Variants in TMCO4 observed in about 807,000 individuals in gnomAD.
TMCO4 encodes transmembrane and coiled-coil domain-containing protein 4.
A neutral mutation model predicts 64.7 loss-of-function variants in TMCO4; 58 were observed. The observed-to-expected ratio is 0.90, with a 90% CI of 0.73 to 1.12. TMCO4 has a LOEUF of 1.12. TMCO4 is among the 50% of genes most tolerant of loss of function. The probability of loss-of-function intolerance (pLI) is 0.00; values close to 1 mark genes in which losing one functional copy is unlikely to be tolerated. For synonymous variants in TMCO4, 325 were observed against 346.1 expected, an observed-to-expected ratio of 0.94 and a Z score of 0.68; for missense variants, 780 against 825.9, an observed-to-expected ratio of 0.94 and a Z score of 0.68.
intron 2 of TMCO4, among the ~76,000 whole-genome samples, chr1:19,791,382 T>A (rs10917540): frequency 6.6e-6 from 1 of 152,178 alleles, no homozygotes. Flanking sequence ...GGACAGACAG[T>A]GCAATTCTCA....
intron 15 of TMCO4, among the ~76,000 whole-genome samples, chr1:19,685,738 G>C (rs547481330): frequency 2.1e-5 from 1 of 48,780 alleles, no homozygotes; most frequent in East Asian, 3.5e-4. Flanking sequence ...TTTTGAGACA[G>C]AGTCTCGCTC....
chr1:19,761,046 C>T (rs1385841697), intron 6 of TMCO4, among the ~76,000 whole-genome samples: 3 of 152,228 alleles, frequency 2.0e-5, no homozygotes, highest in South Asian at 2.1e-4. Flanking sequence ...ACTCTCTGCA[C>T]GTATTGGCTT....
At chr1:19,724,760 GTTTTTCT>G (rs1219082763) in intron 13 of TMCO4, among the ~76,000 whole-genome samples, 1 of 151,896 alleles carries the variant, frequency 6.6e-6, no homozygotes, top group Admixed American at 6.6e-5. Context: ...TCCTTCTTTT[GTTTTTCT>G]TTTTTCTTTT....
intron 2 of TMCO4, among the ~76,000 whole-genome samples, chr1:19,792,711 G>A (rs74058653): frequency 0.015 from 2,190 of 150,354 alleles, 62 homozygotes; most frequent in African/African-American, 0.051. Flanking sequence ...TTACATGCCA[G>A]CCAGCTATGG....
At chr1:19,735,186 G>A (rs1293721411) in intron 13 of TMCO4, among the ~76,000 whole-genome samples, 2 of 152,212 alleles carry the variant, frequency 1.3e-5, no homozygotes, top group African/African-American at 4.8e-5. Context: ...CCTGTGCACA[G>A]TAGGTCCTCA....
rs564820420 is a variant in TMCO4, at chr1:19,745,490, C to T, written c.877+42G>A. 72 of 1,613,202 alleles carry T rather than the reference C, an allele frequency of 4.5e-5. No individual in the cohort carries two copies. The South Asian group carries it at 7.1e-4, about 16-fold the overall frequency. On this transcript the variant is annotated intron_variant, in intron 10 of 15. Transcript: ENST00000294543. ...TAGCCCAGGGTCTGGCCCAGGCCACCACTGCCCACCCCCCTCCACTTCTGG... is the reference window on the plus strand; with the variant it reads ...TAGCCCAGGGTCTGGCCCAGGCCACTACTGCCCACCCCCCTCCACTTCTGG...
At chr1:19,724,803 C>T (rs1449654250) in intron 13 of TMCO4, among the ~76,000 whole-genome samples, 4 of 151,984 alleles carry the variant, frequency 2.6e-5, no homozygotes, top group African/African-American at 9.7e-5. Context: ...GCTCTGTCAC[C>T]CAGGCTGGAG....
intron 14 of TMCO4, among the ~76,000 whole-genome samples, chr1:19,696,076 TGA>T (rs1295110357): frequency 6.6e-6 from 1 of 152,168 alleles, no homozygotes; most frequent in East Asian, 1.9e-4. Flanking sequence ...TCACCTACCT[TGA>T]GCCACTGGAG....
intron 10 of TMCO4, among the ~76,000 whole-genome samples, chr1:19,741,489 T>C (rs902620328): frequency 6.6e-6 from 1 of 151,142 alleles, no homozygotes; most frequent in African/African-American, 2.4e-5. Context: ...TCTTGCGGGG[T>C]CATTCAATTT....
rs554516477 is a variant in TMCO4 at position 19,757,077 on chromosome 1, A to C, written c.383-1311T>G. Reference sequence around the variant, plus strand: ...ACACTGAGGTGGGCAGATCACTTGAAGCCAGGAGTTCGAGACCAGCCTGGC... The same window carrying C: ...ACACTGAGGTGGGCAGATCACTTGACGCCAGGAGTTCGAGACCAGCCTGGC... On this transcript the variant is annotated intron_variant, in intron 6 of 15. Coordinates refer to ENST00000294543, the MANE Select transcript of TMCO4 (RefSeq NM_181719.7). Among the ~76,000 whole-genome samples the C allele has an allele frequency of 2.0e-5, 3 of 150,468 alleles. No homozygotes were observed. The East Asian group carries it at 6.1e-4, about 31-fold the overall frequency.
rs780573948 is a variant in TMCO4, at chr1:19,780,670, G to A, written c.89C>T (p.Thr30Met). Residue 30 changes from threonine to methionine, a missense_variant, in exon 4 of 16, where the codon ACG (threonine) becomes ATG (methionine). Physicochemically the swap from Thr to Met is moderately conservative, Grantham distance 81. Transcript: ENST00000294543. ...GTTGGCCTCAGTCAGCTCCCGGCCC[G>A]TGGGCAGGTGTGGCTCCCCCTCTGC... ...PTAEGEPHLP[T>M]GRELTEANRF... 17 of 1,614,002 alleles carry A rather than the reference G, an allele frequency of 1.1e-5. No homozygotes were observed. Among genetic ancestry groups the A allele is most frequent in the South Asian group, 9.9e-5 (9 of 91,046 alleles).
chr1:19,792,234 G>C (rs767115529), intron 2 of TMCO4, among the ~76,000 whole-genome samples: 3 of 152,160 alleles, frequency 2.0e-5, no homozygotes, highest in Admixed American at 2.0e-4. Flanking sequence ...AAGAGGATGC[G>C]ATCTCCAGGG....
intron 10 of TMCO4, among the ~76,000 whole-genome samples, chr1:19,745,217 T>C (rs992394583): frequency 1.4e-5 from 2 of 139,838 alleles, no homozygotes; most frequent in Admixed American, 7.8e-5. Context: ...GATGGATAGA[T>C]AGAAGGGTGG....
chr1:19,747,123 C>T (rs2041827493), intron 8 of TMCO4, 40 bp downstream of exon 8: 1 of 1,602,022 alleles, frequency 6.2e-7, no homozygotes, highest in African/African-American at 1.3e-5. Context: ...TCTCTGTCTA[C>T]AAAACCCAGA....
At chr1:19,765,981 T>G (rs2042719935) in intron 6 of TMCO4, among the ~76,000 whole-genome samples, 1 of 151,994 alleles carries the variant, frequency 6.6e-6, no homozygotes, top group African/African-American at 2.4e-5. Context: ...GCATCTAAGC[T>G]CATTCTCCAA....
intron 7 of TMCO4, among the ~76,000 whole-genome samples, chr1:19,748,793 C>T (rs1253548681): frequency 6.6e-6 from 1 of 152,118 alleles, no homozygotes; most frequent in African/African-American, 2.4e-5. Context: ...CCACTGCACT[C>T]CAGCTTGGGA....
intron 6 of TMCO4, among the ~76,000 whole-genome samples, chr1:19,758,245 T>G (rs1455966152): frequency 6.6e-6 from 1 of 151,754 alleles, no homozygotes; most frequent in African/African-American, 2.4e-5. Context: ...CCCTGCTGTC[T>G]CCCAGGATGA....
At chr1:19,774,355 G>A (rs2043117788) in intron 4 of TMCO4, among the ~76,000 whole-genome samples, 1 of 152,190 alleles carries the variant, frequency 6.6e-6, no homozygotes, top group South Asian at 2.1e-4. Flanking sequence ...TCTACCATGA[G>A]CTGTGTGATC....
At chr1:19,794,950 G>A (rs1006006532) in intron 2 of TMCO4, among the ~76,000 whole-genome samples, 1 of 152,148 alleles carries the variant, frequency 6.6e-6, no homozygotes, top group East Asian at 1.9e-4. Flanking sequence ...AATTCATAGA[G>A]ACAGAAAGTA....
Sources: gnomAD v4.1 joint callset for allele counts (sites outside exome capture counted in the v4.1 genomes callset) on GRCh38, gnomAD v4.1.1 for gene constraint, MANE v1.5 for transcripts, NCBI Gene and HGNC (gene_info 2026-07-23, HGNC 2026-07-21) for gene names.